Variants in RAD51B observed in about 807,000 individuals in gnomAD.
The protein encoded by RAD51B is RAD51 paralog B.
Under a neutral mutation model 42.2 loss-of-function variants are expected in RAD51B, and 38 were observed. That is an observed-to-expected ratio of 0.90 (90% CI 0.70 to 1.18). The LOEUF is 1.18. Among genes scored for constraint, RAD51B ranks in the 50% most tolerant of loss-of-function variants. RAD51B has a pLI of 0.00. For missense variants in RAD51B, 373 were observed against 400.7 expected (o/e 0.93, Z 0.59); for synonymous variants, 154 against 145.2 (o/e 1.06, Z -0.43).
At chr14:68,099,133 T>G (rs2077246303) in intron 7 of RAD51B, among the ~76,000 whole-genome samples, 1 of 152,238 alleles carries the variant, frequency 6.6e-6, no homozygotes. Flanking sequence ...GGAAAGTCTC[T>G]TTGTTCTCCC....
chr14:68,494,893 A>G (rs1200331943), intron 10 of RAD51B, among the ~76,000 whole-genome samples: 1 of 152,024 alleles, frequency 6.6e-6, no homozygotes, highest in African/African-American at 2.4e-5. Context: ...ATCCATCAGG[A>G]CCCAGACATT....
intron 10 of RAD51B, among the ~76,000 whole-genome samples, chr14:68,518,919 CCAAA>C (rs1886374057): frequency 6.6e-6 from 1 of 152,164 alleles, no homozygotes; most frequent in South Asian, 2.1e-4. Context: ...ACATTCTGGA[CCAAA>C]CAGTGGCCCT....
chr14:68,416,063 C>T (rs929473636), intron 9 of RAD51B, among the ~76,000 whole-genome samples: 7 of 152,062 alleles, frequency 4.6e-5, no homozygotes, highest in South Asian at 4.1e-4. Flanking sequence ...GCTTGAGGGG[C>T]GAGCCTGAAG....
intron 7 of RAD51B, among the ~76,000 whole-genome samples, chr14:67,956,846 G>A (rs556476417): frequency 3.3e-5 from 5 of 152,336 alleles, no homozygotes; most frequent in Admixed American, 6.5e-5. Flanking sequence ...TGTGATTAGT[G>A]GCTAGTGTAG....
intron 11 of RAD51B, among the ~76,000 whole-genome samples, chr14:68,671,205 C>T (rs570405765): frequency 6.0e-4 from 92 of 152,206 alleles, no homozygotes; most frequent in Non-Finnish European, 7.2e-4. Context: ...TTGAGACTTA[C>T]ACTAGGTGGG....
At chr14:67,994,002 G>T (rs2075341235) in intron 7 of RAD51B, among the ~76,000 whole-genome samples, 1 of 151,762 alleles carries the variant, frequency 6.6e-6, no homozygotes, top group Non-Finnish European at 1.5e-5. Flanking sequence ...ATAACTATTA[G>T]GTATCCATAA....
chr14:67,963,198 C>G (rs2074705038), intron 7 of RAD51B, among the ~76,000 whole-genome samples: 1 of 151,800 alleles, frequency 6.6e-6, no homozygotes, highest in Admixed American at 6.6e-5. Flanking sequence ...CATCCATTAT[C>G]TATGTGTATA....
At chr14:68,631,584 C>T (rs905523406) in intron 10 of RAD51B, among the ~76,000 whole-genome samples, 1 of 152,134 alleles carries the variant, frequency 6.6e-6, no homozygotes, top group East Asian at 1.9e-4. Context: ...CCCATGTGCC[C>T]GGCATATAGA....
At chr14:68,354,852 A>C (rs1395083479) in intron 8 of RAD51B, among the ~76,000 whole-genome samples, 1 of 152,208 alleles carries the variant, frequency 6.6e-6, no homozygotes, top group African/African-American at 2.4e-5. Context: ...TAGTGGACTC[A>C]GGACAGAATT....
chr14:68,064,493 C>T (rs2076618357), intron 7 of RAD51B, among the ~76,000 whole-genome samples: 1 of 152,084 alleles, frequency 6.6e-6, no homozygotes. Flanking sequence ...CTATATCTCT[C>T]CCAAGACTTG....
intron 10 of RAD51B, among the ~76,000 whole-genome samples, chr14:68,504,175 G>A (rs1885117788): frequency 6.6e-6 from 1 of 152,092 alleles, no homozygotes; most frequent in Non-Finnish European, 1.5e-5. Flanking sequence ...CTGGATCGGG[G>A]CGCAATGACT....
intron 10 of RAD51B, among the ~76,000 whole-genome samples, chr14:68,509,911 C>T (rs538435272): frequency 4.6e-5 from 7 of 152,322 alleles, no homozygotes; most frequent in Non-Finnish European, 8.8e-5. Flanking sequence ...GGGGGTGCCC[C>T]GCAAGCACTT....
intron 4 of RAD51B, among the ~76,000 whole-genome samples, chr14:67,841,917 T>C (rs1457046412): frequency 6.6e-6 from 1 of 152,240 alleles, no homozygotes; most frequent in Non-Finnish European, 1.5e-5. Context: ...AATGTTAGAA[T>C]AGTTTTTTCT....
At chr14:68,216,495 G>A (rs777543201) in intron 7 of RAD51B, among the ~76,000 whole-genome samples, 1 of 152,156 alleles carries the variant, frequency 6.6e-6, no homozygotes, top group Non-Finnish European at 1.5e-5. Context: ...CTACCTTAAT[G>A]TGTTGGAAAA....
chr14:68,049,464 G>T (rs1450675019), intron 7 of RAD51B, among the ~76,000 whole-genome samples: 1 of 152,042 alleles, frequency 6.6e-6, no homozygotes, highest in African/African-American at 2.4e-5. Flanking sequence ...ACTTCCTAAA[G>T]GTGCCAGAGC....
At chr14:68,078,482 T>C (rs915024402) in intron 7 of RAD51B, among the ~76,000 whole-genome samples, 2 of 152,194 alleles carry the variant, frequency 1.3e-5, no homozygotes, top group African/African-American at 4.8e-5. Context: ...TGTTAGGCTC[T>C]AAGCCCTTCA....
intron 4 of RAD51B, among the ~76,000 whole-genome samples, chr14:67,856,769 C>CA (rs1480532855): frequency 2.0e-5 from 3 of 151,916 alleles, no homozygotes; most frequent in African/African-American, 7.3e-5. Flanking sequence ...TTCTTGGGAA[C>CA]AATTCTCTTT....
intron 11 of RAD51B, among the ~76,000 whole-genome samples, chr14:68,680,439 T>G (rs192772479): frequency 2.6e-5 from 4 of 152,230 alleles, no homozygotes; most frequent in African/African-American, 9.6e-5. Context: ...TTGTTAGTAT[T>G]TATTACCTTT....
chr14:67,981,357 G>A (rs753368612), intron 7 of RAD51B, among the ~76,000 whole-genome samples: 10 of 152,130 alleles, frequency 6.6e-5, no homozygotes, highest in Non-Finnish European at 1.2e-4. Flanking sequence ...TATACCCTGC[G>A]GGTGGGAATG....
Sources: gnomAD v4.1 joint callset for allele counts (sites outside exome capture counted in the v4.1 genomes callset) on GRCh38, gnomAD v4.1.1 for gene constraint, MANE v1.5 for transcripts, NCBI Gene and HGNC (gene_info 2026-07-23, HGNC 2026-07-21) for gene names.